The following TMEM108 variants were observed in gnomAD, a reference collection of about 807,000 sequenced individuals.
TMEM108 encodes transmembrane protein 108.
A neutral mutation model predicts 35.1 loss-of-function variants in TMEM108; 12 were observed. The observed-to-expected ratio is 0.34, with a 90% confidence interval of 0.22 to 0.55. The LOEUF is 0.55. TMEM108 is among the 20% of genes least tolerant of loss of function. The pLI is 0.89. For synonymous variants in TMEM108, 287 were observed against 308.6 expected (o/e 0.93, Z 0.73); for missense variants, 680 against 753.3 (o/e 0.90, Z 1.14).
At chr3:133,368,162 G>A (rs1165841345) in intron 3 of TMEM108, among the ~76,000 whole-genome samples, 1 of 152,166 alleles carries the variant, frequency 6.6e-6, no homozygotes, top group Admixed American at 6.5e-5. Flanking sequence ...AAGCTCTGGG[G>A]ATTCAGTGCA....
chr3:133,286,354 A>C (rs7641938), intron 3 of TMEM108, among the ~76,000 whole-genome samples: 46,768 of 151,946 alleles, frequency 0.31, 7,746 homozygotes, highest in African/African-American at 0.42. Flanking sequence ...TTTTTTTAGA[A>C]ACAAGGTCTC....
intron 2 of TMEM108, among the ~76,000 whole-genome samples, chr3:133,146,622 A>T (rs538585898): frequency 1.8e-4 from 27 of 152,272 alleles, no homozygotes; most frequent in Non-Finnish European, 3.7e-4. Flanking sequence ...TAGGCTATTA[A>T]TTACTGCCTC....
rs1475252260 is a variant in TMEM108, at chr3:133,397,569, T to C, written c.*1583T>C. 1 of 152,136 alleles carries C rather than the reference T, an allele frequency of 6.6e-6. No individual in the cohort carries two copies. The highest frequency in any genetic ancestry group is 1.5e-5 in the Non-Finnish European group (1 of 68,028). The allele number at this position is 152,136 out of a possible 1,614,324, so 9.4% of individuals were successfully genotyped here. On this transcript the variant is annotated 3_prime_UTR_variant, in exon 6 of 6. Coordinates refer to ENST00000321871, the MANE Select transcript of TMEM108 (RefSeq NM_023943.4). ...TCTTACCTTTTTAACCTTACCATAA[T>C]ATTTCTGTTAACTGTTACATTTAAT...
chr3:133,393,277 C>T (rs2073259687), intron 5 of TMEM108, among the ~76,000 whole-genome samples: 1 of 152,216 alleles, frequency 6.6e-6, no homozygotes, highest in African/African-American at 2.4e-5. Flanking sequence ...TCTCCAACCT[C>T]ATTCTGTTTC....
At chr3:133,085,038 C>T (rs1521091) in intron 2 of TMEM108, among the ~76,000 whole-genome samples, 64 of 152,262 alleles carry the variant, frequency 4.2e-4, no homozygotes, top group African/African-American at 1.5e-3. Flanking sequence ...GATGTCAGTT[C>T]CCTACCTTTC....
chr3:133,274,743 A>G (rs1372977819), intron 3 of TMEM108, among the ~76,000 whole-genome samples: 6 of 152,196 alleles, frequency 3.9e-5, no homozygotes, highest in South Asian at 2.1e-4. Context: ...GGTGACAAGT[A>G]TCTAATTAAG....
At chr3:133,192,040 A>G (rs893420390) in intron 2 of TMEM108, among the ~76,000 whole-genome samples, 51 of 152,096 alleles carry the variant, frequency 3.4e-4, no homozygotes, top group Non-Finnish European at 1.2e-4. Flanking sequence ...CTGTCCCAAA[A>G]TAGCTCCAGC....
intron 3 of TMEM108, among the ~76,000 whole-genome samples, chr3:133,266,146 T>G (rs1374025644): frequency 6.6e-6 from 1 of 151,802 alleles, no homozygotes; most frequent in Non-Finnish European, 1.5e-5. Context: ...CTGGATAATA[T>G]TCTTCCTCCA....
Position 133,181,008 on chromosome 3 carries a change from T to TAAAAAAAAAAAAAAAAAAA in TMEM108, c.-46-48246_-46-48228dup, listed in dbSNP as rs369228472. Among the ~76,000 whole-genome samples, 48 of 75,844 alleles carry TAAAAAAAAAAAAAAAAAAA rather than the reference T, an allele frequency of 6.3e-4. 5 individuals carry two copies. The highest frequency in any genetic ancestry group is 1.2e-3 in the South Asian group (2 of 1,732). 49.8% of individuals were successfully genotyped at this position (75,844 alleles called of 152,430 possible). A position where few individuals can be genotyped will look rare whatever the true frequency, so the allele number is the denominator to read the frequency against. ...TGTACTGGCTATTGGGCAGTTGTGT[T>TAAAAAAAAAAAAAAAAAAA]AAAAAAAAAAAAAAAAAAAAAAAAA... is the stretch of plus-strand genomic sequence containing the variant. On this transcript the variant is annotated intron_variant, in intron 2 of 5. Coordinates refer to ENST00000321871, the MANE Select transcript of TMEM108 (RefSeq NM_023943.4).
chr3:133,076,467 G>C (rs1187556802), intron 2 of TMEM108, among the ~76,000 whole-genome samples: 1 of 152,170 alleles, frequency 6.6e-6, no homozygotes. Context: ...TCTGTAACAT[G>C]ATGTTGGAGA....
At chr3:133,068,757 C>T (rs1437751871) in intron 2 of TMEM108, among the ~76,000 whole-genome samples, 16 of 152,004 alleles carry the variant, frequency 1.1e-4, no homozygotes, top group African/African-American at 2.9e-4. Flanking sequence ...GGGTCCTTGT[C>T]CTCTAGAAGT....
chr3:133,311,616 C>T (rs2071129515), intron 3 of TMEM108, among the ~76,000 whole-genome samples: 1 of 152,214 alleles, frequency 6.6e-6, no homozygotes. Context: ...ATTCATCTAA[C>T]CTTTTTTCAA....
Position 133,342,555 on chromosome 3 carries a change from T to TATAC in TMEM108, c.41-37196_41-37195insTACA, listed in dbSNP as rs60991711. Among the ~76,000 whole-genome samples the TATAC allele has an allele frequency of 7.2e-4, 46 of 63,456 alleles. 12 individuals are homozygous for TATAC. Among genetic ancestry groups the TATAC allele is most frequent in the South Asian group, 4.1e-3 (7 of 1,716 alleles). The allele number at this position is 63,456 out of a possible 152,430, so 41.6% of individuals were successfully genotyped here. A position where few individuals can be genotyped will look rare whatever the true frequency, so the allele number is the denominator to read the frequency against. On this transcript the variant is annotated intron_variant, in intron 3 of 5. Coordinates refer to ENST00000321871, the MANE Select transcript of TMEM108 (RefSeq NM_023943.4). The stretch of plus-strand genomic sequence containing the variant: ...AAAAAGAAAATGTGGTATATATATA[T>TATAC]ACACACACACACACAATGGAGTACT...
At chr3:133,244,773 C>T (rs1946362201) in intron 3 of TMEM108, among the ~76,000 whole-genome samples, 1 of 152,154 alleles carries the variant, frequency 6.6e-6, no homozygotes, top group Non-Finnish European at 1.5e-5. Context: ...AAAATATTGA[C>T]TTTCATAGGA....
chr3:133,182,169 T>A (rs1945356258), intron 2 of TMEM108, among the ~76,000 whole-genome samples: 1 of 152,192 alleles, frequency 6.6e-6, no homozygotes, highest in African/African-American at 2.4e-5. Context: ...TTTTTCCAAT[T>A]TTAATGGAAG....
chr3:133,201,883 T>G (rs1945671691), intron 2 of TMEM108, among the ~76,000 whole-genome samples: 1 of 152,194 alleles, frequency 6.6e-6, no homozygotes, highest in African/African-American at 2.4e-5. Context: ...CACACTGTCT[T>G]CCAAATGGTT....
intron 3 of TMEM108, among the ~76,000 whole-genome samples, chr3:133,307,767 A>T (rs1219142134): frequency 6.6e-6 from 1 of 152,106 alleles, no homozygotes; most frequent in Non-Finnish European, 1.5e-5. Context: ...CTGTTTTGGT[A>T]ACTATAGCCT....
chr3:133,376,026 TA>T (rs1244757711), intron 3 of TMEM108, among the ~76,000 whole-genome samples: 4 of 152,190 alleles, frequency 2.6e-5, no homozygotes, highest in Non-Finnish European at 4.4e-5. Context: ...GGCTAAGAGG[TA>T]ACTCTACAGT....
At chr3:133,259,826 C>T (rs1386209762) in intron 3 of TMEM108, among the ~76,000 whole-genome samples, 4 of 152,268 alleles carry the variant, frequency 2.6e-5, no homozygotes, top group Admixed American at 1.3e-4. Context: ...ATGGGTCTCT[C>T]AGGAGATCAG....
Sources: allele counts gnomAD v4.1 joint callset (sites outside exome capture counted in the v4.1 genomes callset), GRCh38; gene constraint gnomAD v4.1.1; transcripts MANE v1.5; gene names NCBI Gene and HGNC (gene_info 2026-07-23, HGNC 2026-07-21).